TRMT44: variants seen among roughly 807,000 people sequenced by gnomAD.
TRMT44 encodes probable tRNA (uracil-O(2)-)-methyltransferase.
In TRMT44, 78 loss-of-function variants were observed where a neutral mutation model predicts 77.3. That is an observed-to-expected ratio of 1.01 (90% confidence interval 0.84 to 1.22). The LOEUF (loss-of-function observed/expected upper bound fraction) is 1.22, where lower values mean the gene tolerates loss of function less well. TRMT44 is among the 50% of genes most tolerant of loss of function. TRMT44 has a pLI of 0.00. For synonymous variants in TRMT44, 391 were observed against 383.3 expected (o/e 1.02, Z -0.23); for missense variants, 1,090 against 964.4 (o/e 1.13, Z -1.73).
chr4:8,480,019 C>G (rs1409489311), downstream of TRMT44, among the ~76,000 whole-genome samples: 1 of 151,996 alleles, frequency 6.6e-6, no homozygotes, highest in Non-Finnish European at 1.5e-5. Context: ...TAGCTGGGAC[C>G]ACAGGCACGT....
chr4:8,472,451 C>G (rs1727071505), intron 10 of TRMT44, among the ~76,000 whole-genome samples: 1 of 152,220 alleles, frequency 6.6e-6, no homozygotes, highest in African/African-American at 2.4e-5. Context: ...TTCTGGGTCC[C>G]CTGCCCATGA....
chr4:8,471,001 G>T, intron 9 of TRMT44, 83 bp from the exon 10 acceptor site: 1 of 963,304 alleles, frequency 1.0e-6, no homozygotes, highest in East Asian at 2.4e-5. Flanking sequence ...GTATGGAACT[G>T]AAATGGACTG....
At chr4:8,459,501 G>C (rs1368258531) in intron 6 of TRMT44, among the ~76,000 whole-genome samples, 2 of 152,162 alleles carry the variant, frequency 1.3e-5, no homozygotes, top group Non-Finnish European at 1.5e-5. Context: ...TATTTACTCA[G>C]CTCTTCTGTT....
chr4:8,498,143 T>C (rs1161443826), downstream of TRMT44, among the ~76,000 whole-genome samples: 3 of 152,264 alleles, frequency 2.0e-5, no homozygotes, highest in South Asian at 6.2e-4. The surrounding 1 kb of genome is among the most constrained non-coding windows in gnomAD (Gnocchi z 4.3). Context: ...TCCGGGGTTT[T>C]CTCCTCAATT....
chr4:8,456,057 C>CAGTTGATAGATT (rs1725791636), intron 6 of TRMT44, among the ~76,000 whole-genome samples: 1 of 152,202 alleles, frequency 6.6e-6, no homozygotes, highest in Non-Finnish European at 1.5e-5. Context: ...TCTATCAAAA[C>CAGTTGATAGATT]TTACACAAAC....
chr4:8,465,592 G>A (rs1294200598), intron 8 of TRMT44, 31 bp downstream of exon 8: 1 of 1,579,166 alleles, frequency 6.3e-7, no homozygotes, highest in Non-Finnish European at 8.6e-7. Flanking sequence ...GTTCTAGGCG[G>A]TGTGTCGGTG....
At chr4:8,499,179 T>C in the TRMT44 span, among the ~76,000 whole-genome samples, 3,451 of 152,166 alleles carry the variant, frequency 0.023, 71 homozygotes, top group African/African-American at 0.053. Context: ...GATGTGGCTC[T>C]GGGTTCTAGG....
the TRMT44 span, among the ~76,000 whole-genome samples, chr4:8,498,891 AT>A: frequency 6.6e-6 from 1 of 152,002 alleles, no homozygotes; most frequent in Non-Finnish European, 1.5e-5. The surrounding 1 kb of genome is among the most constrained non-coding windows in gnomAD (Gnocchi z 4.3). Context: ...GGCCCTCTAT[AT>A]TTGTCGGGGA....
the TRMT44 span, chr4:8,508,756 G>A: frequency 1.3e-5 from 2 of 152,324 alleles, no homozygotes; most frequent in Non-Finnish European, 2.9e-5. Flanking sequence ...CCAAGGCTTT[G>A]GTCTGTTGGG....
intron 7 of TRMT44, among the ~76,000 whole-genome samples, chr4:8,464,406 G>A (rs1412281099): frequency 3.9e-5 from 6 of 152,232 alleles, no homozygotes; most frequent in Admixed American, 2.6e-4. Flanking sequence ...GGTGTCAAAA[G>A]AGGTGTCCTT....
chr4:8,498,817 G>C, the TRMT44 span, among the ~76,000 whole-genome samples: 1 of 152,190 alleles, frequency 6.6e-6, no homozygotes. The surrounding 1 kb of genome is among the most constrained non-coding windows in gnomAD (Gnocchi z 4.3). Context: ...TCTGGGTGGG[G>C]AGTCAGCAGA....
At chr4:8,449,952 T>TTATTTTC in intron 3 of TRMT44, 64 bp downstream of exon 3, 1 of 445,998 alleles carries the variant, frequency 2.2e-6, no homozygotes, top group Non-Finnish European at 3.2e-6. Context: ...TTCTTTTCTT[T>TTATTTTC]TTTTTTTTTT....
At chr4:8,467,335 G>T (rs1487365773) in intron 8 of TRMT44, among the ~76,000 whole-genome samples, 1 of 152,236 alleles carries the variant, frequency 6.6e-6, no homozygotes, top group Non-Finnish European at 1.5e-5. Context: ...GGGCCCAGGA[G>T]TGTGGACTCT....
intron 10 of TRMT44, among the ~76,000 whole-genome samples, chr4:8,471,931 A>AG (rs1490761462): frequency 6.6e-6 from 1 of 151,598 alleles, no homozygotes; most frequent in Non-Finnish European, 1.5e-5. Context: ...GTGTGCACAG[A>AG]GGGGGCAGGA....
At chr4:8,456,851 T>C (rs965586717) in intron 6 of TRMT44, among the ~76,000 whole-genome samples, 6 of 152,198 alleles carry the variant, frequency 3.9e-5, no homozygotes, top group African/African-American at 1.4e-4. Context: ...TAGCTTTAGC[T>C]GACCAAGAGG....
At chr4:8,450,830 C>T (rs533875088) in intron 3 of TRMT44, among the ~76,000 whole-genome samples, 2 of 135,140 alleles carry the variant, frequency 1.5e-5, no homozygotes, top group Admixed American at 8.0e-5. Context: ...CAGGCTCTCA[C>T]TCTGTCGCCT....
chr4:8,487,888 C>T lies in TRMT44; in HGVS notation n.3892-5378C>T, dbSNP rs28860567. Among the ~76,000 whole-genome samples, 1,498 of 152,152 alleles carry T rather than the reference C, an allele frequency of 9.8e-3. 34 individuals are homozygous for T. The highest frequency in any genetic ancestry group is 0.034 in the African/African-American group (1,401 of 41,474). ...CTGGGTGAATAGTCAGAGAGGCGTC[C>T]CTGCAATGATTAAACACCAAGGGAA... On this transcript the variant is annotated intron_variant and non_coding_transcript_variant, in intron 2 of 2. Coordinates refer to the TRMT44 transcript ENST00000511366.
chr4:8,489,902 A>G (rs1043984230), intron 2 of TRMT44, among the ~76,000 whole-genome samples: 1 of 152,264 alleles, frequency 6.6e-6, no homozygotes, highest in African/African-American at 2.4e-5. Flanking sequence ...AATGATTGCC[A>G]GCCATTATAT....
At chr4:8,508,612 T>G in the TRMT44 span, among the ~76,000 whole-genome samples, 16 of 152,088 alleles carry the variant, frequency 1.1e-4, no homozygotes, top group African/African-American at 3.9e-4. Flanking sequence ...ATGGCCGGGG[T>G]CTGGCTGACC....
Sources: allele counts gnomAD v4.1 joint callset (sites outside exome capture counted in the v4.1 genomes callset), GRCh38; gene constraint gnomAD v4.1.1; non-coding constraint Gnocchi (gnomAD v3.1); transcripts MANE v1.5; gene names NCBI Gene and HGNC (gene_info 2026-07-23, HGNC 2026-07-21).